The following ITFG1 variants were observed in gnomAD, a reference collection of about 807,000 sequenced individuals.
ITFG1 encodes the protein T-cell immunomodulatory protein.
ITFG1 carries 34 observed loss-of-function variants against 81.8 expected under a neutral mutation model. The ratio of observed to expected loss-of-function variants is 0.42; its 90% CI spans 0.32 to 0.55. The LOEUF (loss-of-function observed/expected upper bound fraction) is 0.55. Among genes scored for constraint, ITFG1 ranks in the 20% least tolerant of loss-of-function variants. The pLI, the probability that ITFG1 is intolerant of heterozygous loss-of-function variation, is 0.17. For synonymous variants in ITFG1, 285 were observed against 270.6 expected (o/e 1.05, Z -0.52); for missense variants, 672 against 755.4 (o/e 0.89, Z 1.29).
chr16:47,219,917 A>G (rs1965670347), intron 13 of ITFG1, among the ~76,000 whole-genome samples: 1 of 152,262 alleles, frequency 6.6e-6, no homozygotes, highest in Non-Finnish European at 1.5e-5. Context: ...TGAAGAAATC[A>G]CACAAATATG....
intron 6 of ITFG1, among the ~76,000 whole-genome samples, chr16:47,379,991 C>T (rs1425039605): frequency 7.6e-6 from 1 of 131,796 alleles, no homozygotes; most frequent in Non-Finnish European, 1.6e-5. Flanking sequence ...AAAGGCTGAA[C>T]ATGATTGATC....
chr16:47,430,758 T>C (rs960502434), intron 5 of ITFG1, among the ~76,000 whole-genome samples: 4 of 152,224 alleles, frequency 2.6e-5, no homozygotes, highest in Admixed American at 2.6e-4. Flanking sequence ...GGAAAACAGT[T>C]TGGCAGTTCT....
At chr16:47,227,977 A>AT (rs1281226348) in intron 13 of ITFG1, among the ~76,000 whole-genome samples, 1 of 152,070 alleles carries the variant, frequency 6.6e-6, no homozygotes, top group African/African-American at 2.4e-5. Flanking sequence ...TAATATTGAC[A>AT]TTTTTTATTG....
intron 6 of ITFG1, among the ~76,000 whole-genome samples, chr16:47,395,445 C>T (rs1393749559): frequency 1.3e-5 from 2 of 152,178 alleles, no homozygotes; most frequent in Non-Finnish European, 1.5e-5. Flanking sequence ...AAACATCTGG[C>T]AGGTCACACT....
chr16:47,279,407 A>T (rs993169821), intron 10 of ITFG1, among the ~76,000 whole-genome samples: 1 of 152,138 alleles, frequency 6.6e-6, no homozygotes, highest in Admixed American at 6.5e-5. Flanking sequence ...TCTCCATTGA[A>T]AAAGAGACTA....
At position 47,238,028 on chromosome 16, in the gene ITFG1, C is replaced by G. The variant is rs757824496; in HGVS notation, c.1331-20G>C. The G allele has an allele frequency of 1.4e-6, 2 of 1,400,128 alleles. No individual in the cohort carries two copies. Among genetic ancestry groups the G allele is most frequent in the Non-Finnish European group, 1.9e-6 (2 of 1,025,936 alleles). 86.7% of individuals were successfully genotyped at this position (1,400,128 alleles called of 1,614,324 possible). A position where few individuals can be genotyped will look rare whatever the true frequency, so the allele number is the denominator to read the frequency against. On this transcript the variant is annotated intron_variant, in intron 12 of 17. Coordinates refer to ENST00000320640, the MANE Select transcript of ITFG1 (RefSeq NM_030790.5). ...TAAGAACTGTGGAAAAATAAACAGG[C>G]AATTATTACTATTATAAGTTTATAT...
intron 6 of ITFG1, among the ~76,000 whole-genome samples, chr16:47,380,693 C>T (rs1308703549): frequency 6.6e-6 from 1 of 152,124 alleles, no homozygotes; most frequent in African/African-American, 2.4e-5. Context: ...ATATTGGACC[C>T]CTTTCACCCT....
intron 6 of ITFG1, among the ~76,000 whole-genome samples, chr16:47,397,529 G>A (rs1322588312): frequency 6.6e-6 from 1 of 152,220 alleles, no homozygotes; most frequent in Non-Finnish European, 1.5e-5. Context: ...CTCAACCAGG[G>A]ACTATTTTGC....
chr16:47,338,286 G>A (rs1394451059), intron 8 of ITFG1, among the ~76,000 whole-genome samples: 5 of 151,906 alleles, frequency 3.3e-5, no homozygotes, highest in Admixed American at 6.5e-5. Context: ...TGGCAGGCGC[G>A]CATAATCCCT....
At chr16:47,291,426 T>C (rs570428625) in intron 10 of ITFG1, among the ~76,000 whole-genome samples, 1 of 152,290 alleles carries the variant, frequency 6.6e-6, no homozygotes, top group Admixed American at 6.5e-5. Context: ...GGGAGGACCA[T>C]TTGCAGTTGA....
intron 10 of ITFG1, among the ~76,000 whole-genome samples, chr16:47,302,112 C>T (rs1212422408): frequency 6.6e-6 from 1 of 152,032 alleles, no homozygotes; most frequent in African/African-American, 2.4e-5. Context: ...TGAAAAGAAG[C>T]ACAAGAAAAA....
intron 8 of ITFG1, among the ~76,000 whole-genome samples, chr16:47,358,819 C>G (rs1014898690): frequency 1.6e-4 from 25 of 152,010 alleles, no homozygotes; most frequent in Non-Finnish European, 3.5e-4. Flanking sequence ...ACTGGCACTG[C>G]TATAGGCTTG....
intron 10 of ITFG1, among the ~76,000 whole-genome samples, chr16:47,272,577 G>GT (rs1332344560): frequency 1.3e-5 from 2 of 152,020 alleles, no homozygotes; most frequent in Non-Finnish European, 2.9e-5. Context: ...TGCATTTTTA[G>GT]TAGAGATGGG....
chr16:47,368,478 C>T (rs941982760), intron 7 of ITFG1, among the ~76,000 whole-genome samples: 2 of 141,714 alleles, frequency 1.4e-5, no homozygotes, highest in African/African-American at 5.4e-5. Context: ...TCACGTGAAC[C>T]TGGGAGGTGG....
chr16:47,233,555 T>C (rs150244521), intron 13 of ITFG1, among the ~76,000 whole-genome samples: 101 of 152,308 alleles, frequency 6.6e-4, no homozygotes, highest in Non-Finnish European at 1.3e-3. Flanking sequence ...AGGTAACCAT[T>C]CTGAAATATG....
At chr16:47,448,281 A>G (rs1182024316) in intron 5 of ITFG1, 1 of 152,236 alleles carries the variant, frequency 6.6e-6, no homozygotes, top group Non-Finnish European at 1.5e-5. Flanking sequence ...TTAATAAATC[A>G]GTCATTGGTT....
At chr16:47,329,482 C>T (rs184506369) in intron 8 of ITFG1, among the ~76,000 whole-genome samples, 1 of 152,264 alleles carries the variant, frequency 6.6e-6, no homozygotes, top group East Asian at 1.9e-4. Context: ...TCAGCTATCA[C>T]TTGCTAGCAG....
intron 14 of ITFG1, among the ~76,000 whole-genome samples, chr16:47,179,785 T>A (rs1965081078): frequency 6.6e-6 from 1 of 152,188 alleles, no homozygotes; most frequent in African/African-American, 2.4e-5. Context: ...GTGAATAGTA[T>A]ATGGGGAATT....
At chr16:47,217,798 A>G (rs1965642869) in intron 14 of ITFG1, among the ~76,000 whole-genome samples, 1 of 151,824 alleles carries the variant, frequency 6.6e-6, no homozygotes, top group Admixed American at 6.6e-5. Flanking sequence ...AGTGGCGGGC[A>G]CCTGTGGTCC....
Sources: allele counts gnomAD v4.1 joint callset (sites outside exome capture counted in the v4.1 genomes callset), GRCh38; gene constraint gnomAD v4.1.1; transcripts MANE v1.5; gene names NCBI Gene and HGNC (gene_info 2026-07-23, HGNC 2026-07-21).